The following SNX29 variants were observed in gnomAD, a reference collection of about 807,000 sequenced individuals.
SNX29 encodes the protein sorting nexin-29.
Under a neutral mutation model 102.1 loss-of-function variants are expected in SNX29, and 78 were observed. That is an observed-to-expected ratio of 0.76 (90% CI 0.64 to 0.92). The LOEUF (loss-of-function observed/expected upper bound fraction) is 0.92. SNX29 is among the 40% of genes least tolerant of loss of function. SNX29 has a pLI of 0.00. For missense variants in SNX29, 1,280 were observed against 1,061.7 expected (o/e 1.21, Z -2.86); for synonymous variants, 580 against 414.5 (o/e 1.40, Z -4.85).
chr16:12,569,097 C>G lies in SNX29; in HGVS notation c.*468C>G, dbSNP rs1014899688. 4 of 166,612 alleles carry G rather than the reference C, an allele frequency of 2.4e-5. No individual in the cohort carries two copies. The highest frequency in any genetic ancestry group is 1.3e-4 in the African/African-American group (4 of 31,990). 10.3% of individuals were successfully genotyped at this position (166,612 alleles called of 1,614,324 possible). On this transcript the variant is annotated 3_prime_UTR_variant, in exon 21 of 21. Coordinates refer to ENST00000566228, the MANE Select transcript of SNX29 (RefSeq NM_032167.5). ...TTTGCTTTTTAAGGTTATTACCTGG[C>G]CTAACCTAGGGATGGCTGGCTTTGC...
At chr16:12,171,089 A>C (rs967109102) in intron 13 of SNX29, among the ~76,000 whole-genome samples, 5 of 152,048 alleles carry the variant, frequency 3.3e-5, no homozygotes, top group African/African-American at 1.2e-4. Context: ...TGCGGTCTAT[A>C]ATTCCTTCTC....
chr16:12,069,073 C>A lies in SNX29; in HGVS notation c.1260C>A (p.Ser420Arg). 6.2e-7 allele frequency: 1 copy of A among 1,613,858 alleles called. No individual in the cohort carries two copies. The highest frequency in any genetic ancestry group is 1.3e-5 in the African/African-American group (1 of 75,036). The change falls in exon 10 of 21, where the codon AGC becomes AGA. Residue 420 changes from serine (S) to arginine (R), a missense_variant. Physicochemically the swap from Ser to Arg is moderately radical, Grantham distance 110. Coordinates refer to ENST00000566228, the MANE Select transcript of SNX29 (RefSeq NM_032167.5). ...TCTGCACAGATGCCCCCCTCGGAAG[C>A]CTGGAGAACGGGACAGGACCAGAGG... The part of the protein sequence containing the change: ...SYSPADAPLG[S>R]LENGTGPEDH...
In SNX29 at chr16:12,213,151, C is replaced by T. The variant is rs369419053; in HGVS notation, c.1678+13468C>T. ...ACACAAACAAACAAAAAAAACTACT[C>T]GGACATAAAGAATGGAATACTGTCT... is the stretch of plus-strand genomic sequence containing the variant. On this transcript the variant is annotated intron_variant, in intron 14 of 20. Transcript: ENST00000566228. Among the ~76,000 whole-genome samples the T allele has an allele frequency of 1.8e-4, 28 of 152,146 alleles. No individual in the cohort carries two copies. In the South Asian group the frequency reaches 3.9e-3, roughly 21 times the overall value.
intron 9 of SNX29, among the ~76,000 whole-genome samples, chr16:12,062,978 C>G (rs1348732025): frequency 6.6e-6 from 1 of 152,172 alleles, no homozygotes; most frequent in Non-Finnish European, 1.5e-5. Flanking sequence ...TCCTGTCTGT[C>G]AGTTGCTGTG....
chr16:12,543,069 C>T (rs772853354), intron 20 of SNX29, among the ~76,000 whole-genome samples: 4 of 152,184 alleles, frequency 2.6e-5, no homozygotes, highest in Non-Finnish European at 4.4e-5. Context: ...GTTGGTTTCA[C>T]CCTCAAGCAT....
intron 15 of SNX29, among the ~76,000 whole-genome samples, chr16:12,338,132 G>T (rs2081506915): frequency 6.6e-6 from 1 of 152,156 alleles, no homozygotes; most frequent in Non-Finnish European, 1.5e-5. Context: ...TGTTTTCTGG[G>T]GCTGAGTCAT....
In SNX29 at chr16:12,236,742, C is replaced by G. The variant is rs546042366; in HGVS notation, c.1678+37059C>G. 9.2e-5 allele frequency among the ~76,000 whole-genome samples: 14 copies of G among 152,356 alleles called. No homozygotes were observed. In the South Asian group the frequency reaches 2.7e-3, roughly 29 times the overall value. ...AGATGCTGGCGTTCCTCTTTCGCAT[C>G]TCCCTTGGCCCTGTGCTGACATTAG... On this transcript the variant is annotated intron_variant, in intron 14 of 20. Coordinates refer to ENST00000566228, the MANE Select transcript of SNX29 (RefSeq NM_032167.5).
At chr16:12,193,865 A>T (rs560060376) in intron 13 of SNX29, among the ~76,000 whole-genome samples, 3 of 152,192 alleles carry the variant, frequency 2.0e-5, no homozygotes, top group African/African-American at 7.2e-5. Flanking sequence ...CATTTTGCCC[A>T]TATGACATTG....
At chr16:12,554,629 A>C (rs1434586893) in intron 20 of SNX29, among the ~76,000 whole-genome samples, 2 of 152,166 alleles carry the variant, frequency 1.3e-5, no homozygotes, top group African/African-American at 4.8e-5. Flanking sequence ...TACCTGCCTC[A>C]GTTTCCCCAG....
chr16:12,227,931 G>C (rs1000235499), intron 14 of SNX29, among the ~76,000 whole-genome samples: 5 of 124,916 alleles, frequency 4.0e-5, no homozygotes, highest in African/African-American at 8.8e-5. Context: ...AAAAAAGACC[G>C]AAGTGAGGTC....
intron 16 of SNX29, among the ~76,000 whole-genome samples, chr16:12,381,089 C>A (rs1243198896): frequency 2.9e-5 from 1 of 34,814 alleles, no homozygotes; most frequent in Non-Finnish European, 5.9e-5. Context: ...TCCACCCACC[C>A]ACCATCCATC....
chr16:12,510,483 A>C (rs891400429), intron 19 of SNX29, among the ~76,000 whole-genome samples: 1 of 151,750 alleles, frequency 6.6e-6, no homozygotes, highest in Non-Finnish European at 1.5e-5. Context: ...GACCAGCCTG[A>C]CCAACATGGC....
chr16:11,987,212 G>A (rs1339272785), intron 1 of SNX29, among the ~76,000 whole-genome samples: 2 of 151,746 alleles, frequency 1.3e-5, no homozygotes, highest in Non-Finnish European at 2.9e-5. Context: ...CTACAGGTGT[G>A]TGCCACCATA....
rs1023556787 is a variant in SNX29 at position 12,552,436 on chromosome 16, A to C, written c.2319-16070A>C. On this transcript the variant is annotated intron_variant, in intron 20 of 20. Transcript: ENST00000566228. ...ACGTGGTCAGTTCTTTTGGCTCGAG[A>C]GCTGGAGTGAAATACCTCGGGTCCA... 2.6e-5 allele frequency among the ~76,000 whole-genome samples: 4 copies of C among 152,154 alleles called. No homozygotes were observed. In the East Asian group the frequency reaches 5.8e-4, roughly 22 times the overall value.
At chr16:12,364,663 C>T (rs2082408967) in intron 16 of SNX29, among the ~76,000 whole-genome samples, 1 of 152,160 alleles carries the variant, frequency 6.6e-6, no homozygotes, top group South Asian at 2.1e-4. Flanking sequence ...TCATTAAATG[C>T]AGTTTGTTCC....
At chr16:12,302,503 C>T (rs113923901) in intron 15 of SNX29, among the ~76,000 whole-genome samples, 6,174 of 152,220 alleles carry the variant, frequency 0.041, 223 homozygotes, top group African/African-American at 0.091. Flanking sequence ...TGGTGAGGGC[C>T]CACTTTGTGG....
Position 12,468,576 on chromosome 16 carries a change from C to T in SNX29, c.2038-9143C>T, listed in dbSNP as rs537516150. On this transcript the variant is annotated intron_variant, in intron 18 of 20. Coordinates refer to ENST00000566228, the MANE Select transcript of SNX29 (RefSeq NM_032167.5). ...GGCCCCCTCCCGCAGCCCTCATCTC[C>T]CTTTGAAAGCCTGTGTTTCTATGGG... is the stretch of plus-strand genomic sequence containing the variant. Among the ~76,000 whole-genome samples the T allele has an allele frequency of 2.0e-5, 3 of 152,152 alleles. No homozygotes were observed. In the South Asian group the frequency reaches 6.4e-4, roughly 33 times the overall value.
chr16:12,545,812 C>G (rs57254313), intron 20 of SNX29, among the ~76,000 whole-genome samples: 1 of 152,238 alleles, frequency 6.6e-6, no homozygotes, highest in East Asian at 1.9e-4. Flanking sequence ...GGCCTCCCTA[C>G]TGACTCTCCA....
intron 12 of SNX29, among the ~76,000 whole-genome samples, 195 bp from the exon 13 acceptor site, chr16:12,129,435 C>T (rs191234234): frequency 8.2e-4 from 125 of 152,318 alleles, no homozygotes; most frequent in Admixed American, 2.9e-3. Context: ...GATGACTGTC[C>T]CTTAATTCTT....
Sources: allele counts gnomAD v4.1 joint callset (sites outside exome capture counted in the v4.1 genomes callset), GRCh38; gene constraint gnomAD v4.1.1; transcripts MANE v1.5; gene names NCBI Gene and HGNC (gene_info 2026-07-23, HGNC 2026-07-21).